Variants in IRAK2 observed in about 807,000 individuals in gnomAD.
The protein encoded by IRAK2 is interleukin-1 receptor-associated kinase-like 2.
In IRAK2, 57 loss-of-function variants were observed where a neutral mutation model predicts 72.0. The observed-to-expected ratio is 0.79, with a 90% CI of 0.64 to 0.99. The LOEUF (loss-of-function observed/expected upper bound fraction) is 0.99. Ranked by LOEUF, IRAK2 falls within the 50% of genes least tolerant of loss-of-function variation. IRAK2 has a pLI of 0.00. For missense variants in IRAK2, 790 were observed against 794.4 expected (o/e 0.99, Z 0.07); for synonymous variants, 293 against 312.7 (o/e 0.94, Z 0.67).
intron 8 of IRAK2, among the ~76,000 whole-genome samples, chr3:10,220,719 G>A (rs937447352): frequency 6.6e-6 from 1 of 152,100 alleles, no homozygotes; most frequent in Non-Finnish European, 1.5e-5. Flanking sequence ...GGGATTACAG[G>A]TGAGAGCCAC....
At chr3:10,173,258 C>T (rs1387029631) in intron 1 of IRAK2, among the ~76,000 whole-genome samples, 2 of 152,050 alleles carry the variant, frequency 1.3e-5, no homozygotes, top group African/African-American at 2.4e-5. Context: ...CAATATCTGG[C>T]CTCTGAACCA....
intron 2 of IRAK2, among the ~76,000 whole-genome samples, chr3:10,196,261 T>A (rs1426638129): frequency 3.3e-5 from 5 of 152,180 alleles, no homozygotes; most frequent in Admixed American, 2.6e-4. Context: ...ACTACAGGTG[T>A]GCACCACCAC....
intron 1 of IRAK2, among the ~76,000 whole-genome samples, chr3:10,173,313 GAA>G (rs974807581): frequency 2.6e-5 from 4 of 152,190 alleles, no homozygotes; most frequent in African/African-American, 7.2e-5. Flanking sequence ...CATATCTGTA[GAA>G]AAAGTCTGGA....
At chr3:10,203,954 G>A (rs1232265809) in intron 3 of IRAK2, among the ~76,000 whole-genome samples, 2 of 152,210 alleles carry the variant, frequency 1.3e-5, no homozygotes, top group African/African-American at 4.8e-5. Context: ...AGGAGCCATG[G>A]ATAGGCTATG....
chr3:10,204,307 G>A (rs1229041081), intron 3 of IRAK2, among the ~76,000 whole-genome samples: 1 of 152,180 alleles, frequency 6.6e-6, no homozygotes, highest in East Asian at 1.9e-4. Context: ...GCCAAATTCT[G>A]TTTGATACTA....
intron 1 of IRAK2, among the ~76,000 whole-genome samples, chr3:10,172,831 CTG>C (rs1696818793): frequency 9.2e-6 from 1 of 108,824 alleles, no homozygotes; most frequent in South Asian, 2.9e-4. Flanking sequence ...GAGCGAGACT[CTG>C]TCTCAAAAAA....
chr3:10,181,058 G>A (rs1463450533), intron 2 of IRAK2, among the ~76,000 whole-genome samples: 2 of 152,122 alleles, frequency 1.3e-5, no homozygotes, highest in Non-Finnish European at 2.9e-5. Context: ...CAGCAGCATA[G>A]TGGTGGCTCC....
chr3:10,165,351 G>A lies in IRAK2; in HGVS notation c.94+303G>A, dbSNP rs1014694673. On this transcript the variant is annotated intron_variant, in intron 1 of 12. Coordinates refer to ENST00000256458, the MANE Select transcript of IRAK2 (RefSeq NM_001570.4). ...GCTGGCTCGGTGACGTCCCCAGGTG[G>A]CCTCTCATCCAGCCCACAACAGCCT... Among the ~76,000 whole-genome samples the A allele has an allele frequency of 1.7e-4, 26 of 152,236 alleles. No individual in the cohort carries two copies. The East Asian group carries it at 1.9e-3, about 11-fold the overall frequency.
intron 10 of IRAK2, among the ~76,000 whole-genome samples, chr3:10,232,438 C>T (rs1344448892): frequency 2.0e-5 from 3 of 152,190 alleles, no homozygotes; most frequent in Admixed American, 1.3e-4. Context: ...AGCCTGTTGT[C>T]CTACTTTTAG....
intron 2 of IRAK2, among the ~76,000 whole-genome samples, chr3:10,185,794 T>C (rs1697066847): frequency 6.6e-6 from 1 of 151,470 alleles, no homozygotes; most frequent in Non-Finnish European, 1.5e-5. Flanking sequence ...GAGAATTGCT[T>C]GAACCTGGGA....
rs4020034 is a variant in IRAK2, at chr3:10,186,783, C to CTT, written c.277+8783_277+8784dup. On this transcript the variant is annotated intron_variant, in intron 2 of 12. Transcript: ENST00000256458. ...GCTGGGTCTTTGTTTTCTTTCTTTC[C>CTT]TTTTTTTTTTTTTTTTTTTTTAAAT... 3.6e-3 allele frequency among the ~76,000 whole-genome samples: 445 copies of CTT among 124,696 alleles called. 8 individuals carry two copies. The highest frequency in any genetic ancestry group is 0.012 in the African/African-American group (362 of 30,482). The allele number at this position is 124,696 out of a possible 152,430, so 81.8% of individuals were successfully genotyped here.
chr3:10,196,624 G>A (rs1205768674), intron 2 of IRAK2, among the ~76,000 whole-genome samples: 1 of 152,222 alleles, frequency 6.6e-6, no homozygotes, highest in African/African-American at 2.4e-5. Flanking sequence ...TGGAGCCCAG[G>A]TTGGGAGAGA....
chr3:10,221,193 C>T (rs1697684056), intron 8 of IRAK2, among the ~76,000 whole-genome samples: 1 of 149,818 alleles, frequency 6.7e-6, no homozygotes, highest in South Asian at 2.1e-4. Context: ...GAGATCGAGA[C>T]CATCCTGGCT....
At chr3:10,240,849 G>A (rs1025914613) in intron 12 of IRAK2, among the ~76,000 whole-genome samples, 5 of 151,564 alleles carry the variant, frequency 3.3e-5, no homozygotes, top group Non-Finnish European at 1.5e-5. Flanking sequence ...ATGAGCCACC[G>A]CACCCGACCA....
chr3:10,212,639 A>G (rs1016613483), intron 4 of IRAK2, among the ~76,000 whole-genome samples: 1 of 152,292 alleles, frequency 6.6e-6, no homozygotes, highest in African/African-American at 2.4e-5. Flanking sequence ...TCTTCGGGGT[A>G]CTATTGTTAC....
intron 1 of IRAK2, among the ~76,000 whole-genome samples, chr3:10,174,329 G>A (rs2125140870): frequency 6.6e-6 from 1 of 152,128 alleles, no homozygotes; most frequent in Non-Finnish European, 1.5e-5. Context: ...TTGTCCAAAG[G>A]GTAGGGGATT....
At chr3:10,234,398 G>A (rs1195735099) in intron 10 of IRAK2, 61 bp from the exon 11 acceptor site, 2 of 1,428,548 alleles carry the variant, frequency 1.4e-6, no homozygotes, top group East Asian at 2.3e-5. Flanking sequence ...AGTGGGGCGC[G>A]TGCGTTGGCT....
chr3:10,174,387 C>T (rs2125140888), intron 1 of IRAK2, among the ~76,000 whole-genome samples: 1 of 152,152 alleles, frequency 6.6e-6, no homozygotes, highest in African/African-American at 2.4e-5. Context: ...TTCTGTGGTC[C>T]CTTGTAACTC....
intron 2 of IRAK2, among the ~76,000 whole-genome samples, chr3:10,198,247 G>C (rs1257911891): frequency 6.6e-6 from 1 of 152,240 alleles, no homozygotes; most frequent in Non-Finnish European, 1.5e-5. Flanking sequence ...TAAAATGTCA[G>C]TGACAGTAAA....
Sources: gnomAD v4.1 joint callset for allele counts (sites outside exome capture counted in the v4.1 genomes callset) on GRCh38, gnomAD v4.1.1 for gene constraint, MANE v1.5 for transcripts, NCBI Gene and HGNC (gene_info 2026-07-23, HGNC 2026-07-21) for gene names.